Variants in STRN3 observed in about 807,000 individuals in gnomAD.
STRN3 encodes the protein striatin-3.
Under a neutral mutation model 95.6 loss-of-function variants are expected in STRN3, and 29 were observed. That is an observed-to-expected ratio of 0.30 (90% CI 0.23 to 0.41). STRN3 has a LOEUF of 0.41. STRN3 is among the 10% of genes least tolerant of loss of function. The probability of loss-of-function intolerance (pLI) is 1.00; values close to 1 mark genes in which losing one functional copy is unlikely to be tolerated. For synonymous variants in STRN3, 331 were observed against 357.6 expected (o/e 0.93, Z 0.84); for missense variants, 890 against 972.1 (o/e 0.92, Z 1.12).
chr14:30,964,165 TC>T (rs1273650636), intron 1 of STRN3, among the ~76,000 whole-genome samples: 10 of 152,104 alleles, frequency 6.6e-5, no homozygotes, highest in Non-Finnish European at 1.3e-4. Context: ...AGCATGAGAA[TC>T]ACTTGAACCT....
chr14:30,897,207 G>A (rs1896179637), intron 16 of STRN3, among the ~76,000 whole-genome samples: 1 of 152,128 alleles, frequency 6.6e-6, no homozygotes, highest in Non-Finnish European at 1.5e-5. Flanking sequence ...TTTGTTATTT[G>A]TGATGGGGCT....
intron 9 of STRN3, among the ~76,000 whole-genome samples, 182 bp from the exon 10 acceptor site, chr14:30,913,839 G>C (rs1445901448): frequency 6.6e-6 from 1 of 152,122 alleles, no homozygotes; most frequent in African/African-American, 2.4e-5. Context: ...TGGAACTGTG[G>C]TGTATTAACT....
chr14:30,995,036 T>C (rs1467040848), intron 1 of STRN3, among the ~76,000 whole-genome samples: 3 of 152,222 alleles, frequency 2.0e-5, no homozygotes, highest in African/African-American at 4.8e-5. Context: ...AAATACTAAA[T>C]GTTTAAGTGC....
At position 30,947,156 on chromosome 14, in the gene STRN3, G is replaced by C; in HGVS notation, c.650C>G (p.Thr217Arg). Residue 217 changes from threonine to arginine, a missense_variant, in exon 5 of 18, where the codon ACA becomes AGA. By Grantham distance (71) the Thr-to-Arg change is moderately conservative (BLOSUM62 -1). This residue lies in a region of STRN3 where 526 missense variants were observed against 526.3 expected (regional missense o/e 1.00). Coordinates refer to ENST00000357479, the MANE Select transcript of STRN3 (RefSeq NM_001083893.2). ...ATTCAGGATCTGTTCTAAATTCTTT[G>C]TTTCTACTGATCCATTTGGTTCTGA... ...SNSEPNGSVE[T>R]KNLEQILNGG... The C allele has an allele frequency of 6.2e-7, 1 of 1,612,228 alleles. No homozygotes were observed.
chr14:31,012,461 G>A (rs976520816), intron 1 of STRN3, among the ~76,000 whole-genome samples: 3 of 152,176 alleles, frequency 2.0e-5, no homozygotes, highest in Non-Finnish European at 4.4e-5. Context: ...GAGGCAGCAA[G>A]ACTGACTGCT....
intron 1 of STRN3, among the ~76,000 whole-genome samples, chr14:31,000,037 T>C (rs954000166): frequency 6.6e-6 from 1 of 152,026 alleles, no homozygotes; most frequent in Non-Finnish European, 1.5e-5. Flanking sequence ...AACAAAACTA[T>C]CCTTTAAAAA....
In STRN3 at chr14:31,025,985, C is replaced by T; in HGVS notation, c.201G>A (p.Gly67=). ...LSRPQQYTIP[G]ILHYIQHEWA... ...ACTCGTGCTGGATGTAGTGCAGTAT[C>T]CCCGGGATAGTGTACTGCTGCGGCC... Residue 67 remains glycine, a synonymous_variant, in exon 1 of 18, where the codon GGG becomes GGA. Coordinates refer to ENST00000357479, the MANE Select transcript of STRN3 (RefSeq NM_001083893.2). 6.4e-7 allele frequency: 1 copy of T among 1,572,248 alleles called. No individual in the cohort carries two copies. The highest frequency in any genetic ancestry group is 8.6e-7 in the Non-Finnish European group (1 of 1,159,854).
intron 1 of STRN3, among the ~76,000 whole-genome samples, chr14:30,979,096 T>C (rs1284131480): frequency 7.8e-6 from 1 of 128,014 alleles, no homozygotes; most frequent in African/African-American, 3.0e-5. Context: ...ACAAGATTAA[T>C]AAACAAAAGT....
chr14:30,903,971 A>T (rs557982708), intron 15 of STRN3, among the ~76,000 whole-genome samples: 6 of 152,310 alleles, frequency 3.9e-5, no homozygotes, highest in African/African-American at 1.2e-4. Context: ...TTTTGTTGAG[A>T]ACCAAGATAA....
intron 1 of STRN3, among the ~76,000 whole-genome samples, chr14:31,008,401 G>A (rs868430995): frequency 1.4e-4 from 22 of 152,040 alleles, no homozygotes; most frequent in Middle Eastern, 3.4e-3. Context: ...CCAGCTGCTC[G>A]GGAGGCTGAG....
In STRN3 at chr14:30,907,062, A is replaced by C. The variant is rs773640054; in HGVS notation, c.1721-18T>G. 1 of 1,595,184 alleles carries C rather than the reference A, an allele frequency of 6.3e-7. No individual in the cohort carries two copies. The highest frequency in any genetic ancestry group is 1.8e-5 in the Admixed American group (1 of 54,346). The stretch of plus-strand genomic sequence containing the variant: ...ATTTGGCTCTGGGGAAAAAACAAAC[A>C]AACAAAAAATTAGGTAAAAGAAGTT... On this transcript the variant is annotated intron_variant, in intron 13 of 17. Coordinates refer to ENST00000357479, the MANE Select transcript of STRN3 (RefSeq NM_001083893.2).
At chr14:31,023,065 G>A (rs1883575362) in intron 1 of STRN3, among the ~76,000 whole-genome samples, 2 of 152,142 alleles carry the variant, frequency 1.3e-5, no homozygotes, top group African/African-American at 2.4e-5. Flanking sequence ...TCCATGACAA[G>A]ATTTTAATGA....
At chr14:30,939,912 T>A (rs1242226023) in intron 5 of STRN3, among the ~76,000 whole-genome samples, 1 of 152,202 alleles carries the variant, frequency 6.6e-6, no homozygotes, top group Admixed American at 6.5e-5. Context: ...CTTTTGGCTT[T>A]ATTAATATTC....
intron 1 of STRN3, among the ~76,000 whole-genome samples, chr14:30,983,077 C>T (rs1193962101): frequency 2.6e-5 from 4 of 152,180 alleles, no homozygotes; most frequent in Non-Finnish European, 5.9e-5. Context: ...CACTGTCTGG[C>T]ATATGTAAAG....
At chr14:30,933,864 G>A (rs894206236) in intron 7 of STRN3, among the ~76,000 whole-genome samples, 1 of 152,062 alleles carries the variant, frequency 6.6e-6, no homozygotes, top group African/African-American at 2.4e-5. Context: ...GTCAATAAAT[G>A]TATTACATAT....
intron 1 of STRN3, among the ~76,000 whole-genome samples, chr14:31,016,055 C>A (rs1258593828): frequency 1.3e-5 from 2 of 152,186 alleles, no homozygotes. Context: ...CAAATCACTA[C>A]AACTCCAAAA....
At chr14:30,973,016 C>T (rs971389839) in intron 1 of STRN3, among the ~76,000 whole-genome samples, 1 of 152,180 alleles carries the variant, frequency 6.6e-6, no homozygotes, top group Non-Finnish European at 1.5e-5. Flanking sequence ...CAAGATCAGC[C>T]TCGCCAACAT....
intron 13 of STRN3, among the ~76,000 whole-genome samples, chr14:30,909,515 C>G (rs116104869): frequency 0.018 from 2,787 of 152,230 alleles, 88 homozygotes; most frequent in African/African-American, 0.063. Flanking sequence ...GTCTCACTCT[C>G]TTCCCAGGCT....
intron 1 of STRN3, among the ~76,000 whole-genome samples, chr14:30,980,652 C>A (rs981713829): frequency 6.6e-6 from 1 of 152,084 alleles, no homozygotes; most frequent in African/African-American, 2.4e-5. Flanking sequence ...CTGCCCACCT[C>A]GGCCTCCCAA....
Sources: gnomAD v4.1 joint callset for allele counts (sites outside exome capture counted in the v4.1 genomes callset) on GRCh38, gnomAD v4.1.1 for gene constraint, gnomAD v4.1.1 regional missense constraint, MANE v1.5 for transcripts, NCBI Gene and HGNC (gene_info 2026-07-23, HGNC 2026-07-21) for gene names.